Variants in SIPA1L3 observed in about 807,000 individuals in gnomAD.
SIPA1L3 encodes signal-induced proliferation-associated 1-like protein 3.
Under a neutral mutation model 150.1 loss-of-function variants are expected in SIPA1L3, and 59 were observed. That is an observed-to-expected ratio of 0.39 (90% confidence interval 0.32 to 0.49). The LOEUF is 0.49. SIPA1L3 is among the 20% of genes least tolerant of loss of function. The pLI is 0.86. For missense variants in SIPA1L3, 2,211 were observed against 2,489.5 expected (o/e 0.89, Z 2.38); for synonymous variants, 1,070 against 1,077.6 (o/e 0.99, Z 0.14).
chr19:37,920,145 T>C (rs1423148121), intron 1 of SIPA1L3, among the ~76,000 whole-genome samples: 1 of 151,470 alleles, frequency 6.6e-6, no homozygotes, highest in Admixed American at 6.6e-5. Context: ...CTGCAGCCTC[T>C]ACCTCCTGGG....
intron 19 of SIPA1L3, 130 bp downstream of exon 19, chr19:38,198,662 C>T: frequency 1.1e-6 from 1 of 945,970 alleles, no homozygotes. Flanking sequence ...GGTTCAAGTC[C>T]TGCCCCGTCA....
At chr19:37,944,051 C>T (rs571317607) in intron 1 of SIPA1L3, among the ~76,000 whole-genome samples, 21 of 151,938 alleles carry the variant, frequency 1.4e-4, no homozygotes, top group Non-Finnish European at 8.8e-5. Context: ...CCTAGGTGGG[C>T]GGATCACCTG....
At chr19:38,205,550 G>GT (rs1408894751) in intron 21 of SIPA1L3, among the ~76,000 whole-genome samples, 4 of 151,928 alleles carry the variant, frequency 2.6e-5, no homozygotes, top group African/African-American at 9.7e-5. Context: ...TATATAATGC[G>GT]TAAGTCTTCG....
chr19:38,045,385 A>T (rs1163616438), intron 2 of SIPA1L3, among the ~76,000 whole-genome samples: 1 of 151,810 alleles, frequency 6.6e-6, no homozygotes, highest in Non-Finnish European at 1.5e-5. Flanking sequence ...CTCAAAAAAA[A>T]AAAAAGATAC....
chr19:38,130,501 A>G lies in SIPA1L3; in HGVS notation c.2872A>G (p.Met958Val). 6.2e-7 allele frequency: 1 copy of G among 1,610,390 alleles called. No homozygotes were observed. The highest frequency in any genetic ancestry group is 8.5e-7 in the Non-Finnish European group (1 of 1,178,480). ...CGATCCTGCCTGTGGCCTGCAGGTG[A>G]TGACCAGTGGCTGGGAGACGGTGGA... ...IREIVQRLKV[M>V]TSGWETVDMT... is the part of the protein sequence containing the mutation. Residue 958 changes from methionine (M) to valine (V), a missense_variant, in exon 10 of 22, where the codon ATG becomes GTG. By Grantham distance (21) the Met-to-Val change is conservative (BLOSUM62 1). Transcript: ENST00000222345.
chr19:38,113,797 A>C (rs1285133608), intron 8 of SIPA1L3, among the ~76,000 whole-genome samples: 38 of 152,062 alleles, frequency 2.5e-4, no homozygotes, highest in Admixed American at 2.4e-3. Context: ...TGAAAAAATA[A>C]TTGTTGAATA....
intron 2 of SIPA1L3, among the ~76,000 whole-genome samples, chr19:38,057,461 A>T (rs1969345467): frequency 6.6e-6 from 1 of 151,944 alleles, no homozygotes; most frequent in African/African-American, 2.4e-5. Flanking sequence ...CTGGGAATGC[A>T]TCTGCATAGC....
chr19:38,065,522 TC>T (rs1969553329), intron 2 of SIPA1L3, among the ~76,000 whole-genome samples: 2 of 151,646 alleles, frequency 1.3e-5, no homozygotes, highest in African/African-American at 4.8e-5. Flanking sequence ...TTCAAGCAAT[TC>T]CTCCTGTCTC....
At chr19:38,020,623 G>A (rs1039307641) in intron 1 of SIPA1L3, among the ~76,000 whole-genome samples, 1 of 152,182 alleles carries the variant, frequency 6.6e-6, no homozygotes, top group Non-Finnish European at 1.5e-5. Context: ...CCAGTGGGCT[G>A]GGCCTGGCCT....
In SIPA1L3 at chr19:38,206,111, G is replaced by A. The variant is rs1341871974; in HGVS notation, c.5217G>A (p.Lys1739=). The A allele has an allele frequency of 6.5e-7, 1 of 1,549,426 alleles. No individual in the cohort carries two copies. The highest frequency in any genetic ancestry group is 1.2e-5 in the South Asian group (1 of 83,818). The stretch of plus-strand genomic sequence containing the variant: ...ACCCTGTGCAGGAGAAGCAGGACAA[G>A]GTGGTGCTCCAGTCAGAGGTGGCCA... ...HTDLQKEKQD[K]VVLQSEVASL... Residue 1739 remains lysine, a synonymous_variant, in exon 22 of 22, where the codon AAG becomes AAA. Coordinates refer to ENST00000222345, the MANE Select transcript of SIPA1L3 (RefSeq NM_015073.3).
intron 1 of SIPA1L3, among the ~76,000 whole-genome samples, chr19:38,024,299 A>C (rs774322294): frequency 1.3e-5 from 2 of 152,194 alleles, no homozygotes; most frequent in African/African-American, 2.4e-5. Context: ...AGTGTTCTGA[A>C]ATGTCATATG....
chr19:38,036,340 G>C (rs1429046466), intron 2 of SIPA1L3, among the ~76,000 whole-genome samples: 2 of 152,226 alleles, frequency 1.3e-5, no homozygotes, highest in African/African-American at 4.8e-5. Flanking sequence ...TGGCTAAGAG[G>C]GTTTTCCAGG....
At chr19:38,128,881 C>T (rs919920034) in intron 9 of SIPA1L3, among the ~76,000 whole-genome samples, 9 of 151,120 alleles carry the variant, frequency 6.0e-5, no homozygotes, top group African/African-American at 1.7e-4. Context: ...TGGGCGACAG[C>T]GAGACTCCGT....
intron 1 of SIPA1L3, among the ~76,000 whole-genome samples, chr19:37,934,412 CCT>C (rs1282454144): frequency 6.6e-6 from 1 of 152,144 alleles, no homozygotes; most frequent in Non-Finnish European, 1.5e-5. Context: ...TGAGGACTCT[CCT>C]ATTACACTTA....
chr19:38,129,151 G>A (rs1317519961), intron 9 of SIPA1L3, among the ~76,000 whole-genome samples: 2 of 152,112 alleles, frequency 1.3e-5, no homozygotes. Flanking sequence ...ACAGCATGCT[G>A]GGGGGAGGGG....
intron 1 of SIPA1L3, among the ~76,000 whole-genome samples, chr19:37,939,637 A>G (rs959090337): frequency 6.6e-6 from 1 of 152,228 alleles, no homozygotes; most frequent in Admixed American, 6.5e-5. Context: ...ATTACGTCCC[A>G]GGAGGCAAGT....
At chr19:38,174,406 C>T (rs147398953) in intron 15 of SIPA1L3, among the ~76,000 whole-genome samples, 4 of 152,208 alleles carry the variant, frequency 2.6e-5, no homozygotes, top group African/African-American at 4.8e-5. Context: ...TGGGGGCCCT[C>T]GGGGTATGTG....
intron 3 of SIPA1L3, chr19:38,087,646 G>A (rs1209648488): frequency 1.3e-5 from 2 of 152,340 alleles, no homozygotes; most frequent in Non-Finnish European, 2.9e-5. Flanking sequence ...GAAAAAAAGA[G>A]GAGGCAGCTG....
chr19:38,190,580 C>G (rs1972786440), intron 16 of SIPA1L3, among the ~76,000 whole-genome samples: 1 of 152,162 alleles, frequency 6.6e-6, no homozygotes, highest in South Asian at 2.1e-4. Flanking sequence ...GTCTTTAAAA[C>G]CCTCGGGAAC....
Sources: gnomAD v4.1 joint callset for allele counts (sites outside exome capture counted in the v4.1 genomes callset) on GRCh38, gnomAD v4.1.1 for gene constraint, MANE v1.5 for transcripts, NCBI Gene and HGNC (gene_info 2026-07-23, HGNC 2026-07-21) for gene names.